MCTP1: variants seen among roughly 807,000 people sequenced by gnomAD.
MCTP1 encodes the protein multiple C2 and transmembrane domain containing 1.
MCTP1 carries 69 observed loss-of-function variants against 120.6 expected under a neutral mutation model. The observed-to-expected ratio is 0.57, with a 90% CI of 0.47 to 0.70. MCTP1 has a LOEUF of 0.70. MCTP1 is among the 30% of genes least tolerant of loss of function. The probability of loss-of-function intolerance (pLI) is 0.00; values close to 1 mark genes in which losing one functional copy is unlikely to be tolerated. For synonymous variants in MCTP1, 529 were observed against 493.1 expected (o/e 1.07, Z -0.96); for missense variants, 1,203 against 1,248.8 (o/e 0.96, Z 0.55).
chr5:94,999,055 C>G (rs1833149406), intron 2 of MCTP1, among the ~76,000 whole-genome samples: 1 of 152,154 alleles, frequency 6.6e-6, no homozygotes, highest in Non-Finnish European at 1.5e-5. Flanking sequence ...CATTTGTTAA[C>G]CACCTCCGTT....
intron 18 of MCTP1, among the ~76,000 whole-genome samples, chr5:94,787,789 T>G (rs1451991797): frequency 2.0e-5 from 3 of 152,268 alleles, no homozygotes; most frequent in Admixed American, 1.3e-4. Flanking sequence ...GCTAATTTTT[T>G]TGTATTTTAA....
intron 2 of MCTP1, among the ~76,000 whole-genome samples, chr5:94,954,661 A>G (rs1182070159): frequency 6.6e-6 from 1 of 152,190 alleles, no homozygotes; most frequent in Non-Finnish European, 1.5e-5. Flanking sequence ...TCAACTATAA[A>G]AAGATGTTGA....
At chr5:94,870,760 A>G in intron 15 of MCTP1, 112 bp downstream of exon 15, 1 of 819,020 alleles carries the variant, frequency 1.2e-6, no homozygotes, top group Non-Finnish European at 2.0e-6. Context: ...TCCAGGACAC[A>G]TGAAGGTTTA....
chr5:95,226,216 G>A (rs1394118846), intron 1 of MCTP1, among the ~76,000 whole-genome samples: 2 of 152,098 alleles, frequency 1.3e-5, no homozygotes, highest in East Asian at 3.9e-4. Context: ...GCCATAATCT[G>A]GACCCAAGGA....
chr5:95,090,176 G>C (rs1755734356), intron 1 of MCTP1, among the ~76,000 whole-genome samples: 1 of 152,172 alleles, frequency 6.6e-6, no homozygotes. Context: ...TTATGTCTCT[G>C]TCAGTTACCT....
intron 1 of MCTP1, among the ~76,000 whole-genome samples, chr5:95,044,396 C>G (rs573775667): frequency 6.6e-6 from 1 of 152,264 alleles, no homozygotes; most frequent in East Asian, 1.9e-4. Context: ...TGACTTTTTT[C>G]TCTAAATGTT....
intron 19 of MCTP1, among the ~76,000 whole-genome samples, chr5:94,751,739 G>C (rs536283514): frequency 8.5e-5 from 13 of 152,214 alleles, no homozygotes; most frequent in African/African-American, 2.2e-4. Context: ...TGCGCACAAT[G>C]CTGCATGAAG....
At chr5:94,764,933 G>A (rs1190869368) in intron 19 of MCTP1, among the ~76,000 whole-genome samples, 1 of 151,588 alleles carries the variant, frequency 6.6e-6, no homozygotes, top group Non-Finnish European at 1.5e-5. Context: ...TCGAACAGCT[G>A]CAGAATACAC....
chr5:94,738,327 A>G (rs569577776), intron 19 of MCTP1, among the ~76,000 whole-genome samples: 18 of 152,234 alleles, frequency 1.2e-4, no homozygotes, highest in African/African-American at 4.3e-4. Flanking sequence ...AAGAATTGCC[A>G]TTTATATCAT....
chr5:94,811,043 C>G (rs2153064792), intron 17 of MCTP1, among the ~76,000 whole-genome samples: 1 of 152,262 alleles, frequency 6.6e-6, no homozygotes, highest in Admixed American at 6.5e-5. Context: ...CTAATTTTCT[C>G]CTTCACTGGT....
chr5:94,941,988 T>C (rs930597397), intron 4 of MCTP1, among the ~76,000 whole-genome samples: 16 of 152,070 alleles, frequency 1.1e-4, no homozygotes, highest in African/African-American at 3.4e-4. Flanking sequence ...AGTCCAATTC[T>C]TAATAATTAT....
chr5:94,985,565 C>A (rs1339122442), intron 2 of MCTP1, among the ~76,000 whole-genome samples: 1 of 152,124 alleles, frequency 6.6e-6, no homozygotes, highest in Non-Finnish European at 1.5e-5. Flanking sequence ...AAACAGATTC[C>A]AAACCCAAGT....
intron 17 of MCTP1, among the ~76,000 whole-genome samples, chr5:94,836,447 G>A (rs1481542145): frequency 6.6e-6 from 1 of 152,176 alleles, no homozygotes; most frequent in East Asian, 1.9e-4. Context: ...CAGCACTTGA[G>A]GAGTTGAGGA....
At chr5:94,743,229 T>C (rs1765951638) in intron 19 of MCTP1, among the ~76,000 whole-genome samples, 1 of 150,970 alleles carries the variant, frequency 6.6e-6, no homozygotes, top group Admixed American at 6.6e-5. Context: ...GAATTGGCTA[T>C]ACTAAAATTA....
chr5:95,144,722 G>GTGACTTTAT (rs1760231430), intron 1 of MCTP1, among the ~76,000 whole-genome samples: 1 of 152,070 alleles, frequency 6.6e-6, no homozygotes, highest in African/African-American at 2.4e-5. Flanking sequence ...TTGTACCTCT[G>GTGACTTTAT]TGACTTTATT....
chr5:94,744,023 T>G (rs1385718083), intron 19 of MCTP1, among the ~76,000 whole-genome samples: 1 of 152,080 alleles, frequency 6.6e-6, no homozygotes, highest in Non-Finnish European at 1.5e-5. Flanking sequence ...CAAGGTGGAG[T>G]GCAGTGGCAC....
intron 17 of MCTP1, among the ~76,000 whole-genome samples, chr5:94,808,588 C>G (rs915455575): frequency 6.6e-6 from 1 of 152,040 alleles, no homozygotes; most frequent in Non-Finnish European, 1.5e-5. Context: ...TAGTTTCAAC[C>G]AGATACCAAA....
chr5:94,828,821 C>G (rs74872199), intron 17 of MCTP1, among the ~76,000 whole-genome samples: 1 of 152,068 alleles, frequency 6.6e-6, no homozygotes, highest in Non-Finnish European at 1.5e-5. Flanking sequence ...GGTCCCAGAT[C>G]GACTTCAGAC....
At chr5:94,858,973 A>G (rs1183709835) in intron 17 of MCTP1, among the ~76,000 whole-genome samples, 1 of 151,682 alleles carries the variant, frequency 6.6e-6, no homozygotes, top group African/African-American at 2.4e-5. Flanking sequence ...GTCATGATCT[A>G]TGACATTCCC....
Sources: allele counts gnomAD v4.1 joint callset (sites outside exome capture counted in the v4.1 genomes callset), GRCh38; gene constraint gnomAD v4.1.1; transcripts MANE v1.5; gene names NCBI Gene and HGNC (gene_info 2026-07-23, HGNC 2026-07-21).